Variants in CRTC3 observed in about 807,000 individuals in gnomAD.
The protein encoded by CRTC3 is CREB regulated transcription coactivator 3.
Under a neutral mutation model 74.5 loss-of-function variants are expected in CRTC3, and 26 were observed. The observed-to-expected ratio is 0.35, with a 90% CI of 0.26 to 0.48. CRTC3 has a LOEUF of 0.48. CRTC3 is among the 20% of genes least tolerant of loss of function. The pLI, the probability that CRTC3 is intolerant of heterozygous loss-of-function variation, is 0.99. For synonymous variants in CRTC3, 377 were observed against 325.8 expected, an observed-to-expected ratio of 1.16 and a Z score of -1.69; for missense variants, 760 against 787.3, an observed-to-expected ratio of 0.97 and a Z score of 0.41.
intron 5 of CRTC3, among the ~76,000 whole-genome samples, chr15:90,605,686 G>T (rs895698293): frequency 1.3e-5 from 2 of 152,182 alleles, no homozygotes; most frequent in African/African-American, 4.8e-5. Context: ...TGTGGGTTCT[G>T]CCCTTGTCTG....
chr15:90,638,844 C>T lies in CRTC3; in HGVS notation c.1548+29C>T, dbSNP rs921543518. The T allele has an allele frequency of 2.6e-6, 4 of 1,565,980 alleles. No homozygotes were observed. In the African/African-American group the frequency reaches 4.1e-5, roughly 16 times the overall value. On this transcript the variant is annotated intron_variant, in intron 13 of 14. Transcript: ENST00000268184. ...GGTGATCGCCCCTGCCTTCTCCTCCCTTGGTGCATAAACTGTACCATTTAG... is the reference window on the plus strand; with the variant it reads ...GGTGATCGCCCCTGCCTTCTCCTCCTTTGGTGCATAAACTGTACCATTTAG...
intron 1 of CRTC3, among the ~76,000 whole-genome samples, chr15:90,531,472 G>A (rs537419461): frequency 2.6e-5 from 4 of 152,216 alleles, no homozygotes; most frequent in Admixed American, 1.3e-4. Flanking sequence ...TCATGATGGT[G>A]TTTTCTTTCA....
Position 90,638,515 on chromosome 15 carries a change from C to T in CRTC3, c.1336C>T (p.Pro446Ser). 6.2e-7 allele frequency: 1 copy of T among 1,613,880 alleles called. No homozygotes were observed. The highest frequency in any genetic ancestry group is 1.3e-5 in the African/African-American group (1 of 75,038). The change falls in exon 12 of 15, where the codon CCC becomes TCC. Residue 446 changes from proline to serine, a missense_variant. By Grantham distance (74) the Pro-to-Ser change is moderately conservative. Coordinates refer to ENST00000268184, the MANE Select transcript of CRTC3 (RefSeq NM_022769.5). ...TEAQAQVSPPPPYPAPQELTQ... is the reference protein window; with the variant it reads ...TEAQAQVSPPSPYPAPQELTQ... ...AGCTCAAGCCCAGGTGTCGCCGCCA[C>T]CCCCTTACCCTGCACCCCAGGAGCT...
chr15:90,635,207 A>G (rs1171340888), intron 11 of CRTC3, among the ~76,000 whole-genome samples: 1 of 152,152 alleles, frequency 6.6e-6, no homozygotes, highest in Admixed American at 6.5e-5. Context: ...TCCAAATAAA[A>G]ATATGTAAAT....
intron 2 of CRTC3, among the ~76,000 whole-genome samples, chr15:90,583,527 G>T (rs1482788197): frequency 6.6e-6 from 1 of 152,164 alleles, no homozygotes; most frequent in Non-Finnish European, 1.5e-5. Flanking sequence ...TAGCCTCCAG[G>T]TTAAAAACAA....
At chr15:90,616,941 T>A (rs960731064) in intron 7 of CRTC3, among the ~76,000 whole-genome samples, 1 of 152,120 alleles carries the variant, frequency 6.6e-6, no homozygotes, top group Non-Finnish European at 1.5e-5. Flanking sequence ...CAGCTAATAC[T>A]CCTCTTCTCA....
At chr15:90,588,248 C>T (rs939826076) in intron 2 of CRTC3, among the ~76,000 whole-genome samples, 9 of 134,228 alleles carry the variant, frequency 6.7e-5, no homozygotes, top group African/African-American at 1.3e-4. Flanking sequence ...TGACAGAGTG[C>T]GACTCTGTCT....
At chr15:90,553,490 T>C (rs532022249) in intron 2 of CRTC3, among the ~76,000 whole-genome samples, 1 of 152,328 alleles carries the variant, frequency 6.6e-6, no homozygotes, top group African/African-American at 2.4e-5. Context: ...GCCGTACATG[T>C]TGAATAGAAG....
At chr15:90,550,211 C>G (rs1414508046) in intron 2 of CRTC3, among the ~76,000 whole-genome samples, 2 of 151,410 alleles carry the variant, frequency 1.3e-5, no homozygotes, top group Admixed American at 6.6e-5. Flanking sequence ...GGCAGATCAC[C>G]TGAAGTCAGG....
chr15:90,550,549 G>A (rs1013490095), intron 2 of CRTC3, among the ~76,000 whole-genome samples: 3 of 151,168 alleles, frequency 2.0e-5, no homozygotes, highest in Non-Finnish European at 2.9e-5. Context: ...CACTGTCATG[G>A]AGTTATTTGA....
At chr15:90,560,536 C>T (rs1279318117) in intron 2 of CRTC3, among the ~76,000 whole-genome samples, 2 of 152,242 alleles carry the variant, frequency 1.3e-5, no homozygotes, top group Admixed American at 6.5e-5. Flanking sequence ...ATGAATACTT[C>T]AGATATCCCC....
chr15:90,611,901 C>T (rs1224530593), intron 6 of CRTC3, among the ~76,000 whole-genome samples: 1 of 152,140 alleles, frequency 6.6e-6, no homozygotes, highest in Non-Finnish European at 1.5e-5. Flanking sequence ...CCTTCCATCC[C>T]CTACATCCTG....
chr15:90,643,213 C>T lies in CRTC3; in HGVS notation c.*1073C>T, dbSNP rs948123623. ...GAGTGCTGCAGAACCGTGCGTGCAGCGCATGATGAATGAGTGCGTCCGCCA... is the reference window on the plus strand; with the variant it reads ...GAGTGCTGCAGAACCGTGCGTGCAGTGCATGATGAATGAGTGCGTCCGCCA... On this transcript the variant is annotated 3_prime_UTR_variant, in exon 15 of 15. Transcript: ENST00000268184. 1.0e-4 allele frequency: 24 copies of T among 232,452 alleles called. 1 individual carries two copies. The highest frequency in any genetic ancestry group is 4.4e-4 in the African/African-American group (20 of 45,316). The allele number at this position is 232,452 out of a possible 1,614,324, so 14.4% of individuals were successfully genotyped here. A position where few individuals can be genotyped will look rare whatever the true frequency, so the allele number is the denominator to read the frequency against.
chr15:90,590,372 A>G (rs1235930981), intron 2 of CRTC3, among the ~76,000 whole-genome samples: 1 of 152,174 alleles, frequency 6.6e-6, no homozygotes, highest in East Asian at 1.9e-4. Flanking sequence ...TTACATGGAT[A>G]AAACTTGAAA....
intron 2 of CRTC3, among the ~76,000 whole-genome samples, chr15:90,578,875 G>A (rs779084667): frequency 2.3e-4 from 35 of 152,126 alleles, no homozygotes; most frequent in African/African-American, 8.2e-4. Context: ...ATTACAACAG[G>A]GCCTGAATTT....
chr15:90,593,545 G>A (rs1180767708), intron 2 of CRTC3, 91 bp from the exon 3 acceptor site: 6 of 1,474,264 alleles, frequency 4.1e-6, no homozygotes, highest in Non-Finnish European at 5.6e-6. Flanking sequence ...TGTAAAATCG[G>A]TCCTTTCATC....
At chr15:90,586,713 A>G (rs1296621370) in intron 2 of CRTC3, among the ~76,000 whole-genome samples, 2 of 152,172 alleles carry the variant, frequency 1.3e-5, no homozygotes, top group East Asian at 3.8e-4. Flanking sequence ...TAGCATTTAG[A>G]AACCCATATT....
rs1967978266 is a variant in CRTC3, at chr15:90,598,254, C to A, written c.352-4070C>A. 3 of 592,680 alleles carry A rather than the reference C, an allele frequency of 5.1e-6. No individual in the cohort carries two copies. The East Asian group carries it at 8.5e-5, about 17-fold the overall frequency. The allele number at this position is 592,680 out of a possible 1,614,324, so 36.7% of individuals were successfully genotyped here. A position where few individuals can be genotyped will look rare whatever the true frequency, so the allele number is the denominator to read the frequency against. On this transcript the variant is annotated intron_variant, in intron 3 of 14. Transcript: ENST00000268184. ...GGACGGGAAGCCAAGAGAAGGGAAC[C>A]CTGGGCCTGCTCACCCAGCCGCAGG...
chr15:90,621,466 A>T (rs765321911), intron 9 of CRTC3, among the ~76,000 whole-genome samples: 1 of 152,020 alleles, frequency 6.6e-6, no homozygotes, highest in Non-Finnish European at 1.5e-5. Context: ...GGAATTACAG[A>T]CGTGCACCAC....
Sources: allele counts gnomAD v4.1 joint callset (sites outside exome capture counted in the v4.1 genomes callset), GRCh38; gene constraint gnomAD v4.1.1; transcripts MANE v1.5; gene names NCBI Gene and HGNC (gene_info 2026-07-23, HGNC 2026-07-21).